Variants in C3AR1 observed in about 807,000 individuals in gnomAD.
The protein encoded by C3AR1 is complement C3a receptor 1.
For missense variants in C3AR1, 579 were observed against 583.5 expected (o/e 0.99, Z 0.08); for synonymous variants, 208 against 225.3 (o/e 0.92, Z 0.69).
In C3AR1 at chr12:8,059,043, C is replaced by T. The variant is rs1565635030; in HGVS notation, c.1143G>A (p.Val381=). ...SQSKTFRVAV[V]VVAVFLVCWT... is the part of the protein sequence containing the mutation. ...AGCAGACAAGAAAGACAGCCACCAC[C>T]ACCACGGCCACTCGAAAGGTTTTGC... The change falls in exon 2 of 2, where the codon GTG becomes GTA. Residue 381 remains valine, a synonymous_variant. Transcript: ENST00000307637. The T allele has an allele frequency of 1.9e-6, 3 of 1,614,068 alleles. No homozygotes were observed. Among genetic ancestry groups the T allele is most frequent in the Non-Finnish European group, 2.5e-6 (3 of 1,180,038 alleles).
chr12:8,062,265 T>C (rs1327748116), intron 1 of C3AR1, among the ~76,000 whole-genome samples: 2 of 152,204 alleles, frequency 1.3e-5, no homozygotes, highest in Non-Finnish European at 2.9e-5. Context: ...TTATACATTT[T>C]TTTCTTTTTT....
rs1395387678 is a variant in C3AR1, at chr12:8,059,962, A to C, written c.224T>G (p.Leu75Trp). The C allele has an allele frequency of 6.2e-7, 1 of 1,614,186 alleles. No individual in the cohort carries two copies. The highest frequency in any genetic ancestry group is 1.1e-5 in the South Asian group (1 of 91,076). Residue 75 changes from leucine to tryptophan, a missense_variant, in exon 2 of 2, where the codon TTG (leucine) becomes TGG (tryptophan). Physicochemically the swap from Leu to Trp is moderately conservative, Grantham distance 61. Coordinates refer to ENST00000307637, the MANE Select transcript of C3AR1 (RefSeq NM_004054.4). ...AGCCAAGTGAGCCAGCGAGAAGGGC[A>C]AGGAGAGGCAGCAGAGGAGGTCCGC... is the stretch of plus-strand genomic sequence containing the variant. ...TLADLLCCLS[L>W]PFSLAHLALQ...
At position 8,057,631 on chromosome 12, in the gene C3AR1, T is replaced by C; in HGVS notation, c.*1106A>G. On this transcript the variant is annotated 3_prime_UTR_variant, in exon 2 of 2. Transcript: ENST00000307637. ...TTTAAAACTATGTGCATGTATTACT[T>C]TGGCAAAGAAAAGGATTTAAAAAAC... is the stretch of plus-strand genomic sequence containing the variant. 6.6e-6 allele frequency among the ~76,000 whole-genome samples: 1 copy of C among 152,196 alleles called. No individual in the cohort carries two copies. Among genetic ancestry groups the C allele is most frequent in the East Asian group, 1.9e-4 (1 of 5,196 alleles).
In C3AR1 at chr12:8,058,712, C is replaced by T. The variant is rs775552060; in HGVS notation, c.*25G>A. 2 of 1,573,536 alleles carry T rather than the reference C, an allele frequency of 1.3e-6. No homozygotes were observed. The highest frequency in any genetic ancestry group is 4.5e-5 in the East Asian group (2 of 44,474). ...TTCACTATGTGATTGCCTAAGAGCC[C>T]CTGCTTGTTGGCTGCTCCACATTTT... is the stretch of plus-strand genomic sequence containing the variant. On this transcript the variant is annotated 3_prime_UTR_variant, in exon 2 of 2. Coordinates refer to ENST00000307637, the MANE Select transcript of C3AR1 (RefSeq NM_004054.4).
At position 8,058,955 on chromosome 12, in the gene C3AR1, T is replaced by G; in HGVS notation, c.1231A>C (p.Lys411Gln). The change falls in exon 2 of 2, where the codon AAA (lysine) becomes CAA (glutamine). Residue 411 changes from lysine to glutamine, a missense_variant. Coordinates refer to ENST00000307637, the MANE Select transcript of C3AR1 (RefSeq NM_004054.4). Reference protein sequence around the residue: ...LLTDPETPLGKTLMSWDHVCI... With the variant: ...LLTDPETPLGQTLMSWDHVCI... ...ACATGATCCCAGGACATCAGAGTTT[T>G]CCCCAAGGGAGTTTCTGGGTCAGTA... The G allele has an allele frequency of 1.9e-6, 3 of 1,614,142 alleles. No individual in the cohort carries two copies. The highest frequency in any genetic ancestry group is 2.5e-6 in the Non-Finnish European group (3 of 1,180,024).
At position 8,058,951 on chromosome 12, in the gene C3AR1, G is replaced by A. The variant is rs1211603932; in HGVS notation, c.1235C>T (p.Thr412Ile). 2.5e-6 allele frequency: 4 copies of A among 1,614,078 alleles called. No homozygotes were observed. The highest frequency in any genetic ancestry group is 1.7e-5 in the Admixed American group (1 of 60,000). ...GCATACATGATCCCAGGACATCAGA[G>A]TTTTCCCCAAGGGAGTTTCTGGGTC... is the stretch of plus-strand genomic sequence containing the variant. ...LTDPETPLGK[T>I]LMSWDHVCIA... The change falls in exon 2 of 2, where the codon ACT (threonine) becomes ATT (isoleucine). Residue 412 changes from threonine to isoleucine, a missense_variant. By Grantham distance (89) the Thr-to-Ile change is moderately conservative. Transcript: ENST00000307637.
chr12:8,060,810 G>A (rs922841644), intron 1 of C3AR1, among the ~76,000 whole-genome samples: 4 of 152,092 alleles, frequency 2.6e-5, no homozygotes, highest in African/African-American at 9.7e-5. Flanking sequence ...TTCAATCTTG[G>A]TTTTTCCACT....
chr12:8,058,616 AC>A lies in C3AR1; in HGVS notation c.*120del, dbSNP rs1947220332. 9.1e-7 allele frequency: 1 copy of A among 1,103,076 alleles called. No homozygotes were observed. The highest frequency in any genetic ancestry group is 1.3e-6 in the Non-Finnish European group (1 of 764,634). 68.3% of individuals were successfully genotyped at this position (1,103,076 alleles called of 1,614,324 possible). On this transcript the variant is annotated 3_prime_UTR_variant, in exon 2 of 2. Coordinates refer to ENST00000307637, the MANE Select transcript of C3AR1 (RefSeq NM_004054.4). ...TCAATAGTCTGTGTACCGTTTGAGAACCGCTGGATTGATTCTTTGACAGTTT... is the reference window on the plus strand; with the variant it reads ...TCAATAGTCTGTGTACCGTTTGAGAACGCTGGATTGATTCTTTGACAGTTT...
Position 8,059,339 on chromosome 12 carries a change from G to A in C3AR1, c.847C>T (p.Leu283=), listed in dbSNP as rs1196738479. 6.2e-7 allele frequency: 1 copy of A among 1,614,234 alleles called. No homozygotes were observed. The highest frequency in any genetic ancestry group is 8.5e-7 in the Non-Finnish European group (1 of 1,180,044). The change falls in exon 2 of 2, where the codon CTG becomes TTG. Residue 283 remains leucine (L), a synonymous_variant. Transcript: ENST00000307637. The part of the protein sequence containing the change: ...FPIEDHETSP[L]DNSDAFLSTH... ...GAGAGAAAAGCATCAGAGTTATCCA[G>A]TGGGCTGGTTTCGTGATCTTCAATA...
chr12:8,065,797 G>A (rs1424663988), intron 1 of C3AR1, among the ~76,000 whole-genome samples: 9 of 151,846 alleles, frequency 5.9e-5, no homozygotes, highest in African/African-American at 9.7e-5. Flanking sequence ...TTGACCAGCC[G>A]TAATTTAAAG....
chr12:8,064,061 C>T (rs767886087), intron 1 of C3AR1, among the ~76,000 whole-genome samples: 14 of 151,232 alleles, frequency 9.3e-5, no homozygotes, highest in Middle Eastern at 3.4e-3. Flanking sequence ...GACAAAGAGA[C>T]TCTGTCTCAA....
Position 8,063,211 on chromosome 12 carries a change from C to T in C3AR1, c.-10-3016G>A, listed in dbSNP as rs11567795. ...GACCTGGTGATCCGCCCGCCTCGGC[C>T]TCCCAAAGTCCCGGGATTACAGATG... On this transcript the variant is annotated intron_variant, in intron 1 of 1. Coordinates refer to ENST00000307637, the MANE Select transcript of C3AR1 (RefSeq NM_004054.4). Among the ~76,000 whole-genome samples, 1,007 of 152,254 alleles carry T rather than the reference C, an allele frequency of 6.6e-3. 8 individuals are homozygous for T. Among genetic ancestry groups the T allele is most frequent in the African/African-American group, 0.022 (912 of 41,536 alleles).
rs775890764 is a variant in C3AR1 at position 8,057,974 on chromosome 12, A to G, written c.*763T>C. 1.3e-5 allele frequency among the ~76,000 whole-genome samples: 2 copies of G among 152,334 alleles called. No homozygotes were observed. The highest frequency in any genetic ancestry group is 4.1e-4 in the South Asian group (2 of 4,826). ...AGTGGAAAATAGGTGCCCAACCGGT[A>G]GGCAGTTAGAAGAAACAGAACTCCC... On this transcript the variant is annotated 3_prime_UTR_variant, in exon 2 of 2. Coordinates refer to ENST00000307637, the MANE Select transcript of C3AR1 (RefSeq NM_004054.4).
chr12:8,066,326 C>G lies in C3AR1; in HGVS notation c.-59G>C, dbSNP rs758538720. On this transcript the variant is annotated 5_prime_UTR_variant, in exon 1 of 2. Coordinates refer to ENST00000307637, the MANE Select transcript of C3AR1 (RefSeq NM_004054.4). ...AGGCTTCAGCACCTGGATGTCTCCA[C>G]GAGTCCTGTCTGGTCCCCACACTTA... 6.6e-6 allele frequency: 1 copy of G among 152,198 alleles called. No homozygotes were observed. The highest frequency in any genetic ancestry group is 2.4e-5 in the African/African-American group (1 of 41,430). 9.4% of individuals were successfully genotyped at this position (152,198 alleles called of 1,614,324 possible).
intron 1 of C3AR1, among the ~76,000 whole-genome samples, chr12:8,063,831 G>A (rs765295362): frequency 2.6e-5 from 4 of 152,112 alleles, no homozygotes; most frequent in Non-Finnish European, 5.9e-5. Context: ...CAGCACTTTG[G>A]GGGGCCGAGG....
At position 8,059,522 on chromosome 12, in the gene C3AR1, G is replaced by T; in HGVS notation, c.664C>A (p.Pro222Thr). The T allele has an allele frequency of 6.2e-7, 1 of 1,614,164 alleles. No individual in the cohort carries two copies. The highest frequency in any genetic ancestry group is 8.5e-7 in the Non-Finnish European group (1 of 1,180,010). The change falls in exon 2 of 2, where the codon CCT becomes ACT. Residue 222 changes from proline (P) to threonine (T), a missense_variant. Transcript: ENST00000307637. Reference protein sequence around the residue: ...DPSSFQTNDHPWTVPTVFQPQ... With the variant: ...DPSSFQTNDHTWTVPTVFQPQ... ...TGGAAGACAGTGGGGACTGTCCAAG[G>T]ATGATCATTTGTTTGGAAAGAGGAA...
chr12:8,058,936 T>C lies in C3AR1; in HGVS notation c.1250A>G (p.Asp417Gly). 6.2e-7 allele frequency: 1 copy of C among 1,614,152 alleles called. No individual in the cohort carries two copies. The highest frequency in any genetic ancestry group is 2.2e-5 in the East Asian group (1 of 44,880). The change falls in exon 2 of 2, where the codon GAT becomes GGT. Residue 417 changes from aspartate to glycine, a missense_variant. Transcript: ENST00000307637. Reference sequence around the variant, plus strand: ...AGATGCTAGAGCAATGCATACATGATCCCAGGACATCAGAGTTTTCCCCAA... The same window carrying C: ...AGATGCTAGAGCAATGCATACATGACCCCAGGACATCAGAGTTTTCCCCAA... ...TPLGKTLMSW[D>G]HVCIALASAN...
At chr12:8,061,333 T>A (rs1947271040) in intron 1 of C3AR1, among the ~76,000 whole-genome samples, 2 of 152,176 alleles carry the variant, frequency 1.3e-5, no homozygotes, top group South Asian at 2.1e-4. Flanking sequence ...TGAATTTATA[T>A]CCTCTTGACC....
chr12:8,061,697 G>A (rs1208055186), intron 1 of C3AR1, among the ~76,000 whole-genome samples: 1 of 152,164 alleles, frequency 6.6e-6, no homozygotes, highest in East Asian at 1.9e-4. Context: ...CTAGGCTCGA[G>A]TGATCCTCCC....
Sources: gnomAD v4.1 joint callset for allele counts (sites outside exome capture counted in the v4.1 genomes callset) on GRCh38, gnomAD v4.1.1 for gene constraint, MANE v1.5 for transcripts, NCBI Gene and HGNC (gene_info 2026-07-23, HGNC 2026-07-21) for gene names.